DENND1A: variants seen among roughly 807,000 people sequenced by gnomAD.
The protein encoded by DENND1A is DENN domain-containing protein 1A.
DENND1A carries 51 observed loss-of-function variants against 113.7 expected under a neutral mutation model. That is an observed-to-expected ratio of 0.45 (90% CI 0.36 to 0.57). The LOEUF (loss-of-function observed/expected upper bound fraction) is 0.57. Ranked by LOEUF, DENND1A falls within the 20% of genes least tolerant of loss-of-function variation. DENND1A has a pLI of 0.00. For missense variants in DENND1A, 1,258 were observed against 1,395.9 expected, an observed-to-expected ratio of 0.90 and a Z score of 1.57; for synonymous variants, 565 against 570.8, an observed-to-expected ratio of 0.99 and a Z score of 0.14.
intron 2 of DENND1A, among the ~76,000 whole-genome samples, chr9:123,810,588 C>T (rs1230200285): frequency 6.9e-6 from 1 of 144,278 alleles, no homozygotes; most frequent in Non-Finnish European, 1.5e-5. Flanking sequence ...CTAACGAAAG[C>T]TGATAAACTA....
rs112574617 is a variant in DENND1A at position 123,396,157 on chromosome 9, C to T, written c.1631+7245G>A. On this transcript the variant is annotated intron_variant, in intron 21 of 23. Transcript: ENST00000394215. The stretch of plus-strand genomic sequence containing the variant: ...AGATAAGGCCAGGAGGGAGGCCACG[C>T]GCTCTGCTCACTCAGGATGCCAGTG... Among the ~76,000 whole-genome samples, 445 of 152,234 alleles carry T rather than the reference C, an allele frequency of 2.9e-3. 2 individuals are homozygous for T. The highest frequency in any genetic ancestry group is 9.1e-3 in the African/African-American group (377 of 41,542).
chr9:123,625,961 G>A (rs1316770930), intron 10 of DENND1A, among the ~76,000 whole-genome samples: 8 of 152,174 alleles, frequency 5.3e-5, no homozygotes, highest in Non-Finnish European at 8.8e-5. Context: ...GCTCAATTGC[G>A]GCTCACTGTA....
intron 8 of DENND1A, among the ~76,000 whole-genome samples, chr9:123,655,755 G>A (rs536115509): frequency 2.0e-5 from 3 of 152,310 alleles, no homozygotes; most frequent in African/African-American, 7.2e-5. Flanking sequence ...CCTCAGTCAA[G>A]ACTACAGCCA....
intron 1 of DENND1A, among the ~76,000 whole-genome samples, chr9:123,882,322 CAAA>C (rs59820553): frequency 1.6e-5 from 2 of 124,384 alleles, no homozygotes; most frequent in Non-Finnish European, 1.8e-5. Context: ...AACCTTGTTT[CAAA>C]AAAAAAAAAA....
In DENND1A at chr9:123,403,506, G is replaced by T. The variant is rs377578710; in HGVS notation, c.1543-16C>A. 22 of 1,611,804 alleles carry T rather than the reference G, an allele frequency of 1.4e-5. 2 individuals are homozygous for T. In the Middle Eastern group the frequency reaches 9.9e-4, roughly 72 times the overall value. On this transcript the variant is annotated splice_polypyrimidine_tract_variant and intron_variant, in intron 20 of 23. Coordinates refer to ENST00000394215, the MANE Select transcript of DENND1A (RefSeq NM_001352964.2). ...GTGGGCGCACCTAGAGGAGGTACAG[G>T]GGGAGAGCCCCAAGAAGGAGTGAGT...
intron 20 of DENND1A, among the ~76,000 whole-genome samples, chr9:123,410,626 C>A (rs2044230915): frequency 1.3e-5 from 2 of 152,206 alleles, no homozygotes; most frequent in South Asian, 4.1e-4. Context: ...TGGCCAACAC[C>A]CACCCAGAGA....
At chr9:123,443,425 T>G (rs2047074136) in intron 18 of DENND1A, among the ~76,000 whole-genome samples, 1 of 152,194 alleles carries the variant, frequency 6.6e-6, no homozygotes, top group Non-Finnish European at 1.5e-5. Context: ...CTTTGTAAAG[T>G]GGAGTTAAAC....
intron 11 of DENND1A, among the ~76,000 whole-genome samples, chr9:123,590,315 C>T (rs1044141181): frequency 1.3e-5 from 2 of 152,186 alleles, no homozygotes; most frequent in Non-Finnish European, 2.9e-5. Flanking sequence ...CTCTCAGCTC[C>T]TACTCCAATA....
At chr9:123,848,166 T>A (rs1332223789) in intron 2 of DENND1A, among the ~76,000 whole-genome samples, 2 of 147,726 alleles carry the variant, frequency 1.4e-5, no homozygotes, top group African/African-American at 5.0e-5. Flanking sequence ...TGCAAAAATT[T>A]CTCAGAAACT....
intron 3 of DENND1A, among the ~76,000 whole-genome samples, chr9:123,780,214 G>C (rs1831092901): frequency 6.6e-6 from 1 of 152,146 alleles, no homozygotes; most frequent in Non-Finnish European, 1.5e-5. Context: ...GGAGGACTTA[G>C]AGGCTATTCT....
chr9:123,902,610 C>A (rs572069263), intron 1 of DENND1A, among the ~76,000 whole-genome samples: 1 of 152,066 alleles, frequency 6.6e-6, no homozygotes, highest in South Asian at 2.1e-4. Context: ...AATAAAAGAT[C>A]TGTCAAAAAA....
At position 123,411,832 on chromosome 9, in the gene DENND1A, G is replaced by T; in HGVS notation, c.1489-3C>A. On this transcript the variant is annotated splice_polypyrimidine_tract_variant and splice_region_variant and intron_variant, in intron 19 of 23. Coordinates refer to ENST00000394215, the MANE Select transcript of DENND1A (RefSeq NM_001352964.2). Reference sequence around the variant, plus strand: ...CGGGTGGGACGCAGTCTCTGCAGCTGCATTAAAGTGGAAACTTACAACATC... The same window carrying T: ...CGGGTGGGACGCAGTCTCTGCAGCTTCATTAAAGTGGAAACTTACAACATC... The T allele has an allele frequency of 2.0e-6, 2 of 985,872 alleles. No homozygotes were observed. The highest frequency in any genetic ancestry group is 2.4e-6 in the Non-Finnish European group (2 of 830,000). 61.1% of individuals were successfully genotyped at this position (985,872 alleles called of 1,614,324 possible).
intron 21 of DENND1A, chr9:123,401,963 G>C (rs758393607): frequency 1.5e-5 from 25 of 1,613,398 alleles, no homozygotes; most frequent in Non-Finnish European, 1.0e-5. Flanking sequence ...CAACAGGCCT[G>C]TGACCCTGTA....
chr9:123,562,487 T>C (rs1350452837), intron 12 of DENND1A, among the ~76,000 whole-genome samples: 1 of 152,188 alleles, frequency 6.6e-6, no homozygotes, highest in Non-Finnish European at 1.5e-5. Context: ...GTCTGTCAAA[T>C]ACTGTCGAGT....
At chr9:123,447,088 T>C (rs16926485) in intron 18 of DENND1A, among the ~76,000 whole-genome samples, 5,551 of 152,246 alleles carry the variant, frequency 0.036, 352 homozygotes, top group African/African-American at 0.13. Context: ...TTGTTGACAG[T>C]CATGAGCCCA....
intron 12 of DENND1A, among the ~76,000 whole-genome samples, chr9:123,568,749 G>A (rs1400879857): frequency 6.6e-6 from 1 of 152,110 alleles, no homozygotes; most frequent in Non-Finnish European, 1.5e-5. Flanking sequence ...CATCCACACA[G>A]AGCGAGATAT....
intron 12 of DENND1A, among the ~76,000 whole-genome samples, chr9:123,578,561 A>T (rs1296303086): frequency 1.3e-5 from 2 of 152,200 alleles, no homozygotes; most frequent in African/African-American, 4.8e-5. Flanking sequence ...CTCTTTTAAT[A>T]AAGTTTCCAG....
chr9:123,927,520 T>C (rs1017090627), intron 1 of DENND1A, among the ~76,000 whole-genome samples: 4 of 152,202 alleles, frequency 2.6e-5, no homozygotes, highest in South Asian at 2.1e-4. Flanking sequence ...GACATTTACA[T>C]TGATACTGTG....
intron 4 of DENND1A, chr9:123,759,500 C>T (rs1371097705): frequency 6.6e-6 from 1 of 152,266 alleles, no homozygotes; most frequent in East Asian, 1.9e-4. Flanking sequence ...TATTGGCTCA[C>T]TGCAACCTCT....
Sources: gnomAD v4.1 joint callset for allele counts (sites outside exome capture counted in the v4.1 genomes callset) on GRCh38, gnomAD v4.1.1 for gene constraint, MANE v1.5 for transcripts, NCBI Gene and HGNC (gene_info 2026-07-23, HGNC 2026-07-21) for gene names.